Variants in MAPK12 observed in about 807,000 individuals in gnomAD.
MAPK12 encodes mitogen-activated protein kinase 12.
Under a neutral mutation model 49.1 loss-of-function variants are expected in MAPK12, and 49 were observed. The ratio of observed to expected loss-of-function variants is 1.00; its 90% confidence interval spans 0.79 to 1.27. MAPK12 has a LOEUF of 1.27. Among genes scored for constraint, MAPK12 ranks in the 50% most tolerant of loss-of-function variants. MAPK12 has a pLI of 0.00. For synonymous variants in MAPK12, 251 were observed against 209.7 expected (o/e 1.20, Z -1.70); for missense variants, 554 against 502.4 (o/e 1.10, Z -0.98).
chr22:50,255,139 C>G (rs1377877690), intron 11 of MAPK12, 58 bp downstream of exon 11: 3 of 1,602,266 alleles, frequency 1.9e-6, no homozygotes. Flanking sequence ...CCACACAGGC[C>G]CTGCCCAGAG....
intron 2 of MAPK12, among the ~76,000 whole-genome samples, chr22:50,260,247 CGGGGCACTTTGCTGGTG>C (rs556430246): frequency 6.6e-6 from 1 of 150,916 alleles, no homozygotes; most frequent in South Asian, 2.1e-4. Flanking sequence ...TGCTGGTGGA[CGGGGCACTTTGCTGGTG>C]GACGCAGGGA....
Position 50,253,361 on chromosome 22 carries a change from T to C in MAPK12, c.*40A>G. On this transcript the variant is annotated 3_prime_UTR_variant, in exon 12 of 12. Coordinates refer to ENST00000215659, the MANE Select transcript of MAPK12 (RefSeq NM_002969.6). ...CGAGAGTCCCCTCTCAGGTGGAAGG[T>C]GAAGGTGGTCCTCACTGCCACCCCG... is the stretch of plus-strand genomic sequence containing the variant. 7.1e-7 allele frequency: 1 copy of C among 1,416,566 alleles called. No homozygotes were observed. Among genetic ancestry groups the C allele is most frequent in the Non-Finnish European group, 9.8e-7 (1 of 1,025,208 alleles). 87.7% of individuals were successfully genotyped at this position (1,416,566 alleles called of 1,614,324 possible).
At chr22:50,260,216 G>A (rs1301459468) in intron 2 of MAPK12, among the ~76,000 whole-genome samples, 2 of 151,842 alleles carry the variant, frequency 1.3e-5, no homozygotes, top group Admixed American at 6.6e-5. Context: ...CGGTGGCCAG[G>A]AACCGGGGGA....
chr22:50,258,498 C>A (rs2065176297), intron 2 of MAPK12, among the ~76,000 whole-genome samples, 197 bp from the exon 3 acceptor site: 1 of 152,332 alleles, frequency 6.6e-6, no homozygotes, highest in South Asian at 2.1e-4. Context: ...TGTGGCCCAG[C>A]CCTGGCACAC....
Position 50,255,845 on chromosome 22 carries a change from A to T in MAPK12, c.656T>A (p.Met219Lys), listed in dbSNP as rs1180635241. ...CTTGAACAGCGTCTTGCCTGTGATC[A>T]TCTCCGCCATGATGCAGCCCACAGA... is the stretch of plus-strand genomic sequence containing the variant. ...IWSVGCIMAEMITGKTLFKGS... is the reference protein window; with the variant it reads ...IWSVGCIMAEKITGKTLFKGS... The change falls in exon 8 of 12, where the codon ATG becomes AAG. Residue 219 changes from methionine to lysine, a missense_variant. Transcript: ENST00000215659. The T allele has an allele frequency of 6.2e-7, 1 of 1,612,596 alleles. No individual in the cohort carries two copies. Among genetic ancestry groups the T allele is most frequent in the African/African-American group, 1.3e-5 (1 of 74,902 alleles).
chr22:50,256,793 C>T (rs2065154858), intron 5 of MAPK12, 142 bp downstream of exon 5: 2 of 1,507,168 alleles, frequency 1.3e-6, no homozygotes, highest in Non-Finnish European at 8.9e-7. Flanking sequence ...GGTACCTGGG[C>T]ACCCAGGCAG....
rs1439509960 is a variant in MAPK12 at position 50,256,152 on chromosome 22, C to T, written c.552G>A (p.Gly184=). The change falls in exon 7 of 12, where the codon GGG becomes GGA. Residue 184 remains glycine, a synonymous_variant. Transcript: ENST00000215659. ...LARQADSEMT[G]YVVTRWYRAP... The stretch of plus-strand genomic sequence containing the variant: ...CCCGGTACCACCGGGTCACCACGTA[C>T]CCAGTCATCTCACTGTCTGCCTGCC... 1.9e-6 allele frequency: 3 copies of T among 1,612,784 alleles called. No individual in the cohort carries two copies. The highest frequency in any genetic ancestry group is 4.5e-5 in the East Asian group (2 of 44,882).
intron 11 of MAPK12, chr22:50,253,722 G>A: frequency 1.8e-6 from 1 of 569,240 alleles, no homozygotes; most frequent in South Asian, 2.1e-5. Context: ...CCTAAGAGCT[G>A]AGGCCTCAGC....
chr22:50,255,578 G>GCCCCCCCCCCCCCCCCCCGC, intron 9 of MAPK12, 37 bp downstream of exon 9: 3 of 1,581,994 alleles, frequency 1.9e-6, no homozygotes, highest in Non-Finnish European at 2.6e-6. Context: ...GCCCAGGTCC[G>GCCCCCCCCCCCCCCCCCCGC]CCCCCACCCC....
chr22:50,256,881 CGGG>C, intron 5 of MAPK12, 51 bp downstream of exon 5: 2 of 1,586,916 alleles, frequency 1.3e-6, no homozygotes, highest in Non-Finnish European at 1.7e-6. Flanking sequence ...GACGTGGAGG[CGGG>C]GGGATTGCAC....
Position 50,261,170 on chromosome 22 carries a change from C to T in MAPK12, c.252G>A (p.Glu84=), listed in dbSNP as rs568278596. 64 of 1,587,318 alleles carry T rather than the reference C, an allele frequency of 4.0e-5. No homozygotes were observed. In the Admixed American group the frequency reaches 9.9e-4, roughly 25 times the overall value. ...GGAGCGGGGCCGCGCGACTCACGTT[C>T]TCGTGGCGCATGTGCTTGAGCAGGC... is the stretch of plus-strand genomic sequence containing the variant. The part of the protein sequence containing the change: ...ELRLLKHMRH[E]NVIGLLDVFT... Residue 84 remains glutamate (E), a synonymous_variant, in exon 2 of 12, where the codon GAG becomes GAA. Coordinates refer to ENST00000215659, the MANE Select transcript of MAPK12 (RefSeq NM_002969.6).
chr22:50,257,742 G>A (rs534459113), intron 3 of MAPK12: 35 of 654,348 alleles, frequency 5.3e-5, no homozygotes, highest in African/African-American at 1.8e-4. Flanking sequence ...CAAGTCAGGC[G>A]GGAGGCGCCT....
chr22:50,256,138 C>A lies in MAPK12; in HGVS notation c.566G>T (p.Arg189Leu). Residue 189 changes from arginine (R) to leucine (L), a missense_variant, in exon 7 of 12, where the codon CGG becomes CTG. Arg to Leu is a moderately radical substitution (Grantham distance 102). Coordinates refer to ENST00000215659, the MANE Select transcript of MAPK12 (RefSeq NM_002969.6). ...DSEMTGYVVT[R>L]WYRAPEVILN... ...GATGACCTCGGGAGCCCGGTACCAC[C>A]GGGTCACCACGTACCCAGTCATCTC... 1 of 1,612,782 alleles carries A rather than the reference C, an allele frequency of 6.2e-7. No homozygotes were observed. The highest frequency in any genetic ancestry group is 8.5e-7 in the Non-Finnish European group (1 of 1,179,950).
At position 50,256,091 on chromosome 22, in the gene MAPK12, G is replaced by A; in HGVS notation, c.613C>T (p.Gln205Ter). 1.2e-6 allele frequency: 2 copies of A among 1,612,026 alleles called. No individual in the cohort carries two copies. Among genetic ancestry groups the A allele is most frequent in the South Asian group, 1.1e-5 (1 of 90,988 alleles). ...TCTCTGGGCAGCTTCTCACCCGTCT[G>A]CGTGTAGCGCATCCAATTCAAGATG... Reference protein sequence around the residue: ...EVILNWMRYTQTVDIWSVGCI... With the variant: ...EVILNWMRYT The change falls in exon 7 of 12, where the codon CAG (glutamine) becomes TAG (stop). Residue 205 changes from glutamine (Q) to a stop codon, truncating the protein, a stop_gained. Transcript: ENST00000215659. LOFTEE classifies it high-confidence loss of function.
At chr22:50,260,894 G>A in intron 2 of MAPK12, 1 of 328,314 alleles carries the variant, frequency 3.0e-6, no homozygotes, top group Non-Finnish European at 5.7e-6. Flanking sequence ...GCCTGGCCAA[G>A]TCGTGTTCCC....
At chr22:50,258,120 C>T (rs562237377) in intron 3 of MAPK12, 123 bp downstream of exon 3, 23 of 880,216 alleles carry the variant, frequency 2.6e-5, no homozygotes, top group South Asian at 1.2e-4. Context: ...AGGGGGTGGG[C>T]GGTGTGCATC....
intron 2 of MAPK12, among the ~76,000 whole-genome samples, chr22:50,258,535 C>T (rs900919362): frequency 1.3e-5 from 2 of 152,270 alleles, no homozygotes; most frequent in Admixed American, 1.3e-4. Flanking sequence ...TATTTTTGGA[C>T]GGTGACAACC....
intron 2 of MAPK12, among the ~76,000 whole-genome samples, chr22:50,259,555 G>A (rs548648412): frequency 7.2e-4 from 110 of 152,286 alleles, no homozygotes; most frequent in Non-Finnish European, 1.2e-3. Flanking sequence ...AGGCACAGCG[G>A]AGATCCCAGC....
At chr22:50,253,502 G>GGGGGGGGGGGGGGGGGGGCCCCCCCCC in intron 11 of MAPK12, 22 bp from the exon 12 acceptor site, 1 of 171,684 alleles carries the variant, frequency 5.8e-6, no homozygotes, top group East Asian at 1.5e-4. Context: ...GGGGGGGCGG[G>GGGGGGGGGGGGGGGGGGGCCCCCCCCC]CACAACAGAG....
Sources: allele counts gnomAD v4.1 joint callset (sites outside exome capture counted in the v4.1 genomes callset), GRCh38; gene constraint gnomAD v4.1.1; transcripts MANE v1.5; gene names NCBI Gene and HGNC (gene_info 2026-07-23, HGNC 2026-07-21).